The following LHFPL3 variants were observed in gnomAD, a reference collection of about 807,000 sequenced individuals.
LHFPL3 encodes LHFPL tetraspan subfamily member 3.
LHFPL3 carries 5 observed loss-of-function variants against 19.3 expected under a neutral mutation model. That is an observed-to-expected ratio of 0.26 (90% CI 0.14 to 0.54). The LOEUF is 0.54. LHFPL3 is among the 20% of genes least tolerant of loss of function. LHFPL3 has a pLI of 0.94. For synonymous variants in LHFPL3, 133 were observed against 126.2 expected (o/e 1.05, Z -0.36); for missense variants, 249 against 307.4 (o/e 0.81, Z 1.42).
chr7:104,875,808 C>T (rs1253140237), intron 2 of LHFPL3, among the ~76,000 whole-genome samples: 3 of 152,156 alleles, frequency 2.0e-5, no homozygotes, highest in African/African-American at 7.2e-5. Flanking sequence ...ACTGTGTGTC[C>T]CACATTGCAC....
intron 1 of LHFPL3, among the ~76,000 whole-genome samples, chr7:104,574,843 G>A (rs1790294438): frequency 6.6e-6 from 1 of 152,100 alleles, no homozygotes; most frequent in African/African-American, 2.4e-5. Context: ...TCTGAAGGAA[G>A]AAAAGGCAGA....
chr7:104,530,069 A>G (rs2115840704), intron 1 of LHFPL3, among the ~76,000 whole-genome samples: 1 of 152,320 alleles, frequency 6.6e-6, no homozygotes, highest in African/African-American at 2.4e-5. Flanking sequence ...CCTTGGTACA[A>G]CTTCTGTTGG....
chr7:104,710,987 A>G (rs147320881), intron 1 of LHFPL3, among the ~76,000 whole-genome samples: 1 of 152,204 alleles, frequency 6.6e-6, no homozygotes, highest in Non-Finnish European at 1.5e-5. Flanking sequence ...CACTGATACC[A>G]TGAGAATAAG....
intron 2 of LHFPL3, among the ~76,000 whole-genome samples, chr7:104,881,036 A>G (rs1408135495): frequency 2.0e-5 from 3 of 151,972 alleles, no homozygotes; most frequent in Non-Finnish European, 2.9e-5. Flanking sequence ...CGGGCGTGCT[A>G]GCAGGCACCT....
At chr7:104,438,043 A>G (rs186220285) in intron 1 of LHFPL3, among the ~76,000 whole-genome samples, 2 of 152,336 alleles carry the variant, frequency 1.3e-5, no homozygotes, top group East Asian at 1.9e-4. Context: ...CTGTCACCCA[A>G]GAAATTCCAA....
At chr7:104,674,314 T>C (rs1792545929) in intron 1 of LHFPL3, among the ~76,000 whole-genome samples, 1 of 151,962 alleles carries the variant, frequency 6.6e-6, no homozygotes, top group African/African-American at 2.4e-5. Flanking sequence ...ACAATATATT[T>C]GACCATTTGA....
chr7:104,753,544 C>G (rs1339467453), intron 2 of LHFPL3, among the ~76,000 whole-genome samples: 1 of 151,734 alleles, frequency 6.6e-6, no homozygotes, highest in African/African-American at 2.4e-5. Context: ...AAGGCACAAA[C>G]AATAAGGCAA....
intron 2 of LHFPL3, among the ~76,000 whole-genome samples, chr7:104,782,523 G>C (rs367867440): frequency 6.6e-6 from 1 of 152,110 alleles, no homozygotes; most frequent in African/African-American, 2.4e-5. Context: ...AGACACTTTC[G>C]TCATGGTCAC....
intron 1 of LHFPL3, among the ~76,000 whole-genome samples, chr7:104,384,194 A>T (rs1052101139): frequency 7.2e-5 from 11 of 152,212 alleles, no homozygotes; most frequent in Middle Eastern, 3.2e-3. Context: ...GGGAGTAAGC[A>T]TGTTAGAAAA....
intron 1 of LHFPL3, among the ~76,000 whole-genome samples, chr7:104,622,658 G>A (rs2385246): frequency 0.91 from 138,751 of 152,260 alleles, 63,673 homozygotes; most frequent in East Asian, 0.99. Flanking sequence ...CTGTCTCTAT[G>A]GATTTGCCTA....
At chr7:104,807,891 C>T (rs1047479277) in intron 2 of LHFPL3, among the ~76,000 whole-genome samples, 6 of 152,204 alleles carry the variant, frequency 3.9e-5, no homozygotes, top group Admixed American at 2.6e-4. Context: ...GACAACTGGT[C>T]GTTAATCACA....
chr7:104,775,081 C>T (rs1363119704), intron 2 of LHFPL3, among the ~76,000 whole-genome samples: 3 of 152,174 alleles, frequency 2.0e-5, no homozygotes, highest in Non-Finnish European at 4.4e-5. Flanking sequence ...AACCATAATA[C>T]AGTATATGTT....
intron 1 of LHFPL3, among the ~76,000 whole-genome samples, chr7:104,482,897 G>A (rs1160691903): frequency 6.6e-6 from 1 of 152,202 alleles, no homozygotes. Context: ...ACAAGGCCAA[G>A]TCTCCATGTG....
intron 1 of LHFPL3, among the ~76,000 whole-genome samples, chr7:104,477,395 A>G (rs1336503629): frequency 6.6e-6 from 1 of 152,222 alleles, no homozygotes; most frequent in East Asian, 1.9e-4. Context: ...GGTGATAGAC[A>G]TAAAATGATG....
intron 1 of LHFPL3, chr7:104,623,028 G>A (rs1371817589): frequency 5.4e-6 from 2 of 371,610 alleles, no homozygotes; most frequent in African/African-American, 2.1e-5. Flanking sequence ...TTCCCTGATG[G>A]CTAATGATGT....
At chr7:104,671,937 C>T (rs745935690) in intron 1 of LHFPL3, among the ~76,000 whole-genome samples, 77 of 152,098 alleles carry the variant, frequency 5.1e-4, no homozygotes, top group Admixed American at 1.4e-3. Context: ...TTATTCTTTC[C>T]TTCCATTACT....
At chr7:104,667,984 C>G in intron 1 of LHFPL3, 18 of 1,613,512 alleles carry the variant, frequency 1.1e-5, no homozygotes, top group Non-Finnish European at 1.5e-5. Flanking sequence ...GCTCCACGGG[C>G]TGCTCGGGAA....
At chr7:104,526,556 C>T (rs961415597) in intron 1 of LHFPL3, among the ~76,000 whole-genome samples, 12 of 152,188 alleles carry the variant, frequency 7.9e-5, no homozygotes, top group African/African-American at 2.2e-4. Flanking sequence ...TAAAAGCCCA[C>T]GGCAATCTCC....
At chr7:104,672,515 C>T (rs1792504948) in intron 1 of LHFPL3, among the ~76,000 whole-genome samples, 1 of 152,166 alleles carries the variant, frequency 6.6e-6, no homozygotes, top group Admixed American at 6.5e-5. Context: ...AATGAATAAT[C>T]TCAGCGGCTA....
Sources: allele counts gnomAD v4.1 joint callset (sites outside exome capture counted in the v4.1 genomes callset), GRCh38; gene constraint gnomAD v4.1.1; transcripts MANE v1.5; gene names NCBI Gene and HGNC (gene_info 2026-07-23, HGNC 2026-07-21).